Variants in FSTL4 observed in about 807,000 individuals in gnomAD.
FSTL4 encodes the protein follistatin like 4, also known as follistatin-related protein 4.
In FSTL4, 28 loss-of-function variants were observed where a neutral mutation model predicts 78.2. That is an observed-to-expected ratio of 0.36 (90% confidence interval 0.27 to 0.49). FSTL4 has a LOEUF of 0.49. Ranked by LOEUF, FSTL4 falls within the 20% of genes least tolerant of loss-of-function variation. The probability of loss-of-function intolerance (pLI) is 0.98; values close to 1 mark genes in which losing one functional copy is unlikely to be tolerated. For synonymous variants in FSTL4, 422 were observed against 440.5 expected (o/e 0.96, Z 0.53); for missense variants, 922 against 1,084.9 (o/e 0.85, Z 2.11).
At chr5:133,730,983 C>T in the FSTL4 span, among the ~76,000 whole-genome samples, 1 of 152,190 alleles carries the variant, frequency 6.6e-6, no homozygotes, top group African/African-American at 2.4e-5. Context: ...CTGACTAGAA[C>T]ATTTTAGGGC....
chr5:133,550,724 G>A (rs948263802), intron 3 of FSTL4, among the ~76,000 whole-genome samples: 1 of 152,184 alleles, frequency 6.6e-6, no homozygotes. Flanking sequence ...ATGTCTGGCT[G>A]TATAATTTTG....
intron 3 of FSTL4, among the ~76,000 whole-genome samples, chr5:133,529,850 G>C (rs977178408): frequency 3.3e-5 from 5 of 151,694 alleles, no homozygotes; most frequent in African/African-American, 1.2e-4. Flanking sequence ...GGAAAATAAA[G>C]CAATAAAATG....
At chr5:133,551,043 G>A (rs1431761582) in intron 3 of FSTL4, among the ~76,000 whole-genome samples, 1 of 152,132 alleles carries the variant, frequency 6.6e-6, no homozygotes, top group African/African-American at 2.4e-5. Flanking sequence ...TGCAGACCCT[G>A]TTAATCCAAC....
intron 5 of FSTL4, among the ~76,000 whole-genome samples, chr5:133,314,342 G>A (rs1175272318): frequency 4.6e-5 from 7 of 152,234 alleles, no homozygotes; most frequent in African/African-American, 9.6e-5. Flanking sequence ...CGGTTGCCCC[G>A]GGGGCCATGG....
At chr5:133,780,855 G>C in the FSTL4 span, among the ~76,000 whole-genome samples, 97,795 of 152,086 alleles carry the variant, frequency 0.64, 31,706 homozygotes, top group East Asian at 0.92. Flanking sequence ...GCCCAGGCCA[G>C]AGGCTTCAGA....
At chr5:133,827,303 C>T in the FSTL4 span, among the ~76,000 whole-genome samples, 1 of 152,184 alleles carries the variant, frequency 6.6e-6, no homozygotes, top group South Asian at 2.1e-4. Context: ...GGTAATGAAT[C>T]GTTCAACCAT....
At chr5:133,492,103 C>A (rs1758277932) in intron 3 of FSTL4, among the ~76,000 whole-genome samples, 1 of 152,000 alleles carries the variant, frequency 6.6e-6, no homozygotes, top group African/African-American at 2.4e-5. Flanking sequence ...TACAGGTTAC[C>A]CTTAAATTTT....
intron 3 of FSTL4, among the ~76,000 whole-genome samples, chr5:133,564,689 A>G (rs912320559): frequency 1.3e-5 from 2 of 151,212 alleles, no homozygotes; most frequent in Non-Finnish European, 3.0e-5. Context: ...GGTGGATTTG[A>G]CAAGGATGAG....
At chr5:133,359,627 T>C (rs961141869) in intron 4 of FSTL4, among the ~76,000 whole-genome samples, 4 of 152,238 alleles carry the variant, frequency 2.6e-5, no homozygotes, top group Admixed American at 1.3e-4. Context: ...ATGGGTGTGA[T>C]GCCTTTGTCA....
chr5:133,670,645 T>C, the FSTL4 span, among the ~76,000 whole-genome samples: 1 of 152,224 alleles, frequency 6.6e-6, no homozygotes, highest in Non-Finnish European at 1.5e-5. Flanking sequence ...CATCAGCACA[T>C]GCTGAGGGTG....
chr5:133,704,373 C>G, the FSTL4 span, among the ~76,000 whole-genome samples: 1 of 152,180 alleles, frequency 6.6e-6, no homozygotes, highest in African/African-American at 2.4e-5. Flanking sequence ...AAGCAGAGAT[C>G]CAAGAGACCA....
chr5:133,405,610 T>A (rs1485411668), intron 3 of FSTL4, among the ~76,000 whole-genome samples: 1 of 152,192 alleles, frequency 6.6e-6, no homozygotes, highest in Non-Finnish European at 1.5e-5. Context: ...CATGTGCAGA[T>A]ATGTGGGGTG....
intron 3 of FSTL4, among the ~76,000 whole-genome samples, chr5:133,549,951 TG>T (rs1312217977): frequency 1.3e-5 from 2 of 152,192 alleles, no homozygotes; most frequent in African/African-American, 4.8e-5. Context: ...TGGGGTCTGT[TG>T]GGGTCTCAGC....
At chr5:133,582,294 C>T (rs996454984) in intron 2 of FSTL4, among the ~76,000 whole-genome samples, 7 of 152,272 alleles carry the variant, frequency 4.6e-5, no homozygotes, top group Non-Finnish European at 7.4e-5. Flanking sequence ...CCCAGACCCC[C>T]GGCACTGGGT....
At chr5:133,456,124 C>A (rs1239285073) in intron 3 of FSTL4, among the ~76,000 whole-genome samples, 1 of 152,210 alleles carries the variant, frequency 6.6e-6, no homozygotes, top group East Asian at 1.9e-4. Context: ...GTCTTTTGGG[C>A]ATAATGTCCT....
At chr5:133,776,228 G>T in the FSTL4 span, among the ~76,000 whole-genome samples, 1 of 152,200 alleles carries the variant, frequency 6.6e-6, no homozygotes, top group Non-Finnish European at 1.5e-5. Flanking sequence ...GGTTTAGTTT[G>T]TCAATGGGAG....
At chr5:133,434,172 T>A (rs1264193339) in intron 3 of FSTL4, among the ~76,000 whole-genome samples, 1 of 151,942 alleles carries the variant, frequency 6.6e-6, no homozygotes, top group African/African-American at 2.4e-5. Context: ...TAGGGCATAG[T>A]AGTGGTGATG....
At chr5:133,709,468 T>C in the FSTL4 span, among the ~76,000 whole-genome samples, 41 of 152,286 alleles carry the variant, frequency 2.7e-4, no homozygotes, top group Non-Finnish European at 5.0e-4. Context: ...CAGTCTATTT[T>C]TCCTGCCTTG....
the FSTL4 span, among the ~76,000 whole-genome samples, chr5:133,805,190 G>C: frequency 6.6e-6 from 1 of 151,900 alleles, no homozygotes; most frequent in Non-Finnish European, 1.5e-5. Flanking sequence ...GAGCTTGAGA[G>C]CCAGGCCCCT....
Sources: allele counts gnomAD v4.1 joint callset (sites outside exome capture counted in the v4.1 genomes callset), GRCh38; gene constraint gnomAD v4.1.1; transcripts MANE v1.5; gene names NCBI Gene and HGNC (gene_info 2026-07-23, HGNC 2026-07-21).